The following RNF213 variants were observed in gnomAD, a reference collection of about 807,000 sequenced individuals.
The protein encoded by RNF213 is ring finger protein 213, also known as E3 ubiquitin-protein ligase RNF213.
A neutral mutation model predicts 514.4 loss-of-function variants in RNF213; 341 were observed. The observed-to-expected ratio is 0.66, with a 90% CI of 0.61 to 0.73. The LOEUF (loss-of-function observed/expected upper bound fraction) is 0.73. RNF213 is among the 30% of genes least tolerant of loss of function. The probability of loss-of-function intolerance (pLI) is 0.00; values close to 1 mark genes in which losing one functional copy is unlikely to be tolerated. For synonymous variants in RNF213, 2,655 were observed against 2,658.2 expected (o/e 1.00, Z 0.04); for missense variants, 5,767 against 6,615.6 (o/e 0.87, Z 4.45).
chr17:80,356,389 G>GT (rs1308476944), intron 36 of RNF213, among the ~76,000 whole-genome samples: 1 of 152,226 alleles, frequency 6.6e-6, no homozygotes, highest in Non-Finnish European at 1.5e-5. Flanking sequence ...CCACTCTGCT[G>GT]TTCACGCAGC....
chr17:80,380,267 G>C (rs975314148), intron 55 of RNF213, among the ~76,000 whole-genome samples: 1 of 152,186 alleles, frequency 6.6e-6, no homozygotes, highest in African/African-American at 2.4e-5. Context: ...GAGTGAGTGG[G>C]ACCTGCGTGG....
At chr17:80,384,064 C>A (rs527678872) in intron 59 of RNF213, 136 bp downstream of exon 59, 5 of 1,070,414 alleles carry the variant, frequency 4.7e-6, no homozygotes, top group African/African-American at 1.6e-5. Flanking sequence ...TAGGATGTAG[C>A]AGAAGACTCA....
In RNF213 at chr17:80,388,811, C is replaced by T. The variant is rs928814172; in HGVS notation, c.15000+122C>T. ...TGCTGTGAGCCCACAGTTTCTGCGG[C>T]CTCCCTTACAGAGAGCAAGCAAGAC... On this transcript the variant is annotated intron_variant, in intron 64 of 67. Coordinates refer to ENST00000582970, the MANE Select transcript of RNF213 (RefSeq NM_001256071.3). 1.6e-4 allele frequency: 134 copies of T among 826,684 alleles called. 1 individual carries two copies. In the Admixed American group the frequency reaches 2.2e-3, roughly 14 times the overall value. The allele number at this position is 826,684 out of a possible 1,614,324, so 51.2% of individuals were successfully genotyped here. A position where few individuals can be genotyped will look rare whatever the true frequency, so the allele number is the denominator to read the frequency against.
In RNF213 at chr17:80,346,487, A is replaced by G. The variant is rs2078316907; in HGVS notation, c.8152A>G (p.Ser2718Gly). The G allele has an allele frequency of 1.9e-6, 3 of 1,613,894 alleles. No homozygotes were observed. The highest frequency in any genetic ancestry group is 3.3e-5 in the Admixed American group (2 of 60,020). The change falls in exon 29 of 68, where the codon AGC (serine) becomes GGC (glycine). Residue 2718 changes from serine (S) to glycine (G), a missense_variant. Around this residue, in one of 13 missense-constraint regions of RNF213, gnomAD observed 1,377 missense variants for 1,635.2 expected, o/e 0.84. Coordinates refer to ENST00000582970, the MANE Select transcript of RNF213 (RefSeq NM_001256071.3). The surrounding 1 kb of genome is among the most constrained non-coding windows in gnomAD (Gnocchi z 8.1). ...ARFFPKPYDD[S>G]RLLLDEITRA... ...GTTCTTTCCGAAACCGTATGACGAC[A>G]GCAGGCTGCTTCTGGATGAAATAAC...
At chr17:80,381,495 C>T (rs886887222) in intron 56 of RNF213, 52 bp from the exon 57 acceptor site, 1 of 1,593,728 alleles carries the variant, frequency 6.3e-7, no homozygotes, top group Non-Finnish European at 8.6e-7. Flanking sequence ...GGCTCACCAT[C>T]TTCTCTACAA....
rs779868946 is a variant in RNF213, at chr17:80,346,136, C to T, written c.7801C>T (p.Leu2601=). ...CTACATCCAGCAGATTGTCCAGAGACTGGTTGAGTCCATCAGCCTAGATGA... is the reference window on the plus strand; with the variant it reads ...CTACATCCAGCAGATTGTCCAGAGATTGGTTGAGTCCATCAGCCTAGATGA... ...KLYIQQIVQR[L]VESISLDENG... is the part of the protein sequence containing the mutation. The change falls in exon 29 of 68, where the codon CTG becomes TTG. Residue 2601 remains leucine, a synonymous_variant. Transcript: ENST00000582970. This position sits in a 1 kb window ranked among gnomAD's most constrained non-coding sequence, Gnocchi z 8.1. The T allele has an allele frequency of 1.2e-6, 2 of 1,614,072 alleles. No homozygotes were observed. Among genetic ancestry groups the T allele is most frequent in the Admixed American group, 1.7e-5 (1 of 60,006 alleles).
chr17:80,295,772 G>T lies in RNF213; in HGVS notation c.1971G>T (p.Glu657Asp), dbSNP rs762284839. Residue 657 changes from glutamate (E) to aspartate (D), a missense_variant, in exon 10 of 68, where the codon GAG (glutamate) becomes GAT (aspartate). By Grantham distance (45) the Glu-to-Asp change is conservative. Coordinates refer to ENST00000582970, the MANE Select transcript of RNF213 (RefSeq NM_001256071.3). Reference protein sequence around the residue: ...LLTSDASSPDEFHRDLSHILG... With the variant: ...LLTSDASSPDDFHRDLSHILG... Reference sequence around the variant, plus strand: ...CCTCAGATGCCAGCTCACCAGATGAGTTTCACCGTGACCTAAGCCACATCC... The same window carrying T: ...CCTCAGATGCCAGCTCACCAGATGATTTTCACCGTGACCTAAGCCACATCC... The T allele has an allele frequency of 1.3e-5, 21 of 1,614,034 alleles. No individual in the cohort carries two copies. Among genetic ancestry groups the T allele is most frequent in the Non-Finnish European group, 1.8e-5 (21 of 1,180,040 alleles).
chr17:80,371,826 A>G (rs777705869), intron 46 of RNF213, 48 bp from the exon 47 acceptor site: 10 of 940,698 alleles, frequency 1.1e-5, no homozygotes, highest in Non-Finnish European at 1.2e-5. Context: ...TTAGTAAGGT[A>G]TGTCTCCAGA....
In RNF213 at chr17:80,386,330, C is replaced by T. The variant is rs779668238; in HGVS notation, c.14620C>T (p.Arg4874Trp). 9.3e-6 allele frequency: 15 copies of T among 1,614,086 alleles called. No individual in the cohort carries two copies. The highest frequency in any genetic ancestry group is 3.3e-5 in the South Asian group (3 of 91,090). The part of the protein sequence containing the change: ...TEFEILLPRR[R>W]GLGLCATALV... ...GTTTGAGATCCTCTTGCCACGCCGA[C>T]GGGGCCTGGGCCTCTGTGCTACCGC... The change falls in exon 62 of 68, where the codon CGG becomes TGG. Residue 4874 changes from arginine to tryptophan, a missense_variant. This residue lies in a region of RNF213 where 1,245 missense variants were observed against 1,339.0 expected (regional missense o/e 0.93). Transcript: ENST00000582970.
rs1465431325 is a variant in RNF213 at position 80,288,732 on chromosome 17, C to A, written c.910C>A (p.Pro304Thr). The change falls in exon 5 of 68, where the codon CCT becomes ACT. Residue 304 changes from proline to threonine, a missense_variant. By Grantham distance (38) the Pro-to-Thr change is conservative (BLOSUM62 -1). Transcript: ENST00000582970. This position sits in a 1 kb window ranked among gnomAD's most constrained non-coding sequence, Gnocchi z 4.9. The part of the protein sequence containing the change: ...QRMKQPPATT[P>T]PFKTHCQEAE... ...AATGAAACAGCCACCAGCAACCACT[C>A]CTCCTTTCAAAACACACTGCCAGGT... 7 of 1,614,220 alleles carry A rather than the reference C, an allele frequency of 4.3e-6. No homozygotes were observed. The Middle Eastern group carries it at 5.0e-4, about 114-fold the overall frequency.
Position 80,344,837 on chromosome 17 carries a change from T to C in RNF213, c.6502T>C (p.Tyr2168His), listed in dbSNP as rs748850620. Residue 2168 changes from tyrosine (Y) to histidine (H), a missense_variant, in exon 29 of 68, where the codon TAC (tyrosine) becomes CAC (histidine). This residue lies in a region of RNF213 where 1,377 missense variants were observed against 1,635.2 expected (regional missense o/e 0.84). Transcript: ENST00000582970. ...EFCSETFQRPYQYLRRFNQNQ... is the reference protein window; with the variant it reads ...EFCSETFQRPHQYLRRFNQNQ... ...CTGCAGCGAAACTTTCCAAAGACCTTACCAGTATTTAAGACGATTCAATCA... is the reference window on the plus strand; with the variant it reads ...CTGCAGCGAAACTTTCCAAAGACCTCACCAGTATTTAAGACGATTCAATCA... The C allele has an allele frequency of 6.2e-7, 1 of 1,614,100 alleles. No homozygotes were observed. Among genetic ancestry groups the C allele is most frequent in the Non-Finnish European group, 8.5e-7 (1 of 1,180,014 alleles).
chr17:80,334,207 A>G lies in RNF213; in HGVS notation c.4246A>G (p.Lys1416Glu), dbSNP rs2077918138. The change falls in exon 22 of 68, where the codon AAG becomes GAG. Residue 1416 changes from lysine (K) to glutamate (E), a missense_variant. Coordinates refer to ENST00000582970, the MANE Select transcript of RNF213 (RefSeq NM_001256071.3). ...LLQDISEARC[K>E]GLQALSLRKE... is the part of the protein sequence containing the mutation. Reference sequence around the variant, plus strand: ...CCAGGACATCAGCGAGGCCCGGTGCAAGGGGCTGCAGGCTCTGTCCCTGAG... The same window carrying G: ...CCAGGACATCAGCGAGGCCCGGTGCGAGGGGCTGCAGGCTCTGTCCCTGAG... 2.0e-6 allele frequency: 3 copies of G among 1,537,122 alleles called. No homozygotes were observed. Among genetic ancestry groups the G allele is most frequent in the African/African-American group, 2.7e-5 (2 of 73,042 alleles).
At chr17:80,363,533 C>T in intron 40 of RNF213, 76 bp from the exon 41 acceptor site, 5 of 1,513,112 alleles carry the variant, frequency 3.3e-6, no homozygotes, top group Admixed American at 1.7e-5. Context: ...AGTATACATG[C>T]AGCTAACAGC....
intron 64 of RNF213, 32 bp downstream of exon 64, chr17:80,388,721 G>A: frequency 6.7e-7 from 1 of 1,492,828 alleles, no homozygotes; most frequent in Non-Finnish European, 9.3e-7. Context: ...CTGTGCACGG[G>A]GCTTTCTGCC....
intron 3 of RNF213, among the ~76,000 whole-genome samples, chr17:80,281,234 CACACACACCTCA>C (rs2044255138): frequency 8.6e-6 from 1 of 116,168 alleles, no homozygotes; most frequent in African/African-American, 3.2e-5. Context: ...ACACCCCACT[CACACACACCTCA>C]ACACACATAC....
At chr17:80,382,032 A>G in intron 57 of RNF213, 1 of 403,266 alleles carries the variant, frequency 2.5e-6, no homozygotes, top group South Asian at 2.2e-5. Context: ...CAGTGTGCAT[A>G]TATGGGGAGT....
At chr17:80,315,752 AGG>A (rs2045903548) in intron 15 of RNF213, 1 of 25,408 alleles carries the variant, frequency 3.9e-5, no homozygotes, top group Non-Finnish European at 8.5e-5. Flanking sequence ...GTGGTGGTGG[AGG>A]TGACAGTGGT....
Position 80,291,839 on chromosome 17 carries a change from C to T in RNF213, c.1471+12C>T. ...TCTGGGCTCAGGAGGTAAGTCGTGG[C>T]AGCAGGCTGTCTGCTCACCCCTCCG... is the stretch of plus-strand genomic sequence containing the variant. On this transcript the variant is annotated intron_variant, in intron 8 of 67. Coordinates refer to ENST00000582970, the MANE Select transcript of RNF213 (RefSeq NM_001256071.3). The T allele has an allele frequency of 1.9e-6, 3 of 1,614,004 alleles. No individual in the cohort carries two copies. The highest frequency in any genetic ancestry group is 2.5e-6 in the Non-Finnish European group (3 of 1,179,980).
At position 80,288,291 on chromosome 17, in the gene RNF213, A is replaced by C. The variant is rs753727011; in HGVS notation, c.738A>C (p.Ser246=). ...DAAQELLLPE[S]KGGSSEPGTE... is the part of the protein sequence containing the mutation. ...CCCAGGAGCTCCTGTTGCCTGAGTC[A>C]AAAGGAGGCAGCTCTGAGCCCGGGA... The change falls in exon 4 of 68, where the codon TCA becomes TCC. Residue 246 remains serine (S), a synonymous_variant. Transcript: ENST00000582970. The surrounding 1 kb of genome is among the most constrained non-coding windows in gnomAD (Gnocchi z 4.9). The C allele has an allele frequency of 2.5e-6, 4 of 1,613,098 alleles. No individual in the cohort carries two copies. The highest frequency in any genetic ancestry group is 2.5e-6 in the Non-Finnish European group (3 of 1,180,018).
Sources: allele counts gnomAD v4.1 joint callset (sites outside exome capture counted in the v4.1 genomes callset), GRCh38; gene constraint gnomAD v4.1.1; regional missense constraint gnomAD v4.1.1; non-coding constraint Gnocchi (gnomAD v3.1); transcripts MANE v1.5; gene names NCBI Gene and HGNC (gene_info 2026-07-23, HGNC 2026-07-21).